MACO1: variants seen among roughly 807,000 people sequenced by gnomAD.
The protein encoded by MACO1 is macoilin 1.
Under a neutral mutation model 78.7 loss-of-function variants are expected in MACO1, and 14 were observed. The ratio of observed to expected loss-of-function variants is 0.18; its 90% CI spans 0.12 to 0.28. The LOEUF is 0.28. Ranked by LOEUF, MACO1 falls within the 10% of genes least tolerant of loss-of-function variation. MACO1 has a pLI of 1.00. For missense variants in MACO1, 501 were observed against 799.0 expected, an observed-to-expected ratio of 0.63 and a Z score of 4.50; for synonymous variants, 288 against 291.6, an observed-to-expected ratio of 0.99 and a Z score of 0.12.
chr1:25,474,075 A>G (rs889826019), intron 6 of MACO1, among the ~76,000 whole-genome samples: 1 of 152,220 alleles, frequency 6.6e-6, no homozygotes, highest in Admixed American at 6.5e-5. Context: ...TGGCATTGTC[A>G]TCATTCTCAT....
At chr1:25,470,573 T>C (rs1404703645) in intron 6 of MACO1, among the ~76,000 whole-genome samples, 1 of 152,174 alleles carries the variant, frequency 6.6e-6, no homozygotes, top group Non-Finnish European at 1.5e-5. Flanking sequence ...GATGAGTCCT[T>C]AGTGGGGAAC....
chr1:25,477,814 C>A (rs1034628894), intron 6 of MACO1, among the ~76,000 whole-genome samples: 1 of 152,190 alleles, frequency 6.6e-6, no homozygotes. Context: ...TTTAAACTTT[C>A]AGTGAAGGCA....
Position 25,437,071 on chromosome 1 carries a change from G to T in MACO1, c.80+5893G>T, listed in dbSNP as rs576205847. ...GACCGATCTCCCACTCAGCACAGAG[G>T]AGTGGCTAGAAATAATCTCATTCTG... On this transcript the variant is annotated intron_variant, in intron 1 of 10. Transcript: ENST00000374343. 3.9e-5 allele frequency among the ~76,000 whole-genome samples: 6 copies of T among 152,202 alleles called. No individual in the cohort carries two copies. The South Asian group carries it at 6.2e-4, about 16-fold the overall frequency.
intron 6 of MACO1, among the ~76,000 whole-genome samples, chr1:25,468,579 T>C (rs1044049792): frequency 1.3e-5 from 2 of 152,214 alleles, no homozygotes; most frequent in East Asian, 1.9e-4. Context: ...GTGTAATATA[T>C]TGAATACTCA....
chr1:25,469,406 T>A (rs2043247609), intron 6 of MACO1, among the ~76,000 whole-genome samples: 1 of 152,126 alleles, frequency 6.6e-6, no homozygotes, highest in Admixed American at 6.6e-5. Context: ...ACTTAAACCT[T>A]GTATTTATGT....
chr1:25,483,836 A>G (rs751315629), intron 6 of MACO1, among the ~76,000 whole-genome samples: 1 of 152,206 alleles, frequency 6.6e-6, no homozygotes, highest in African/African-American at 2.4e-5. Context: ...CTCCTTTATC[A>G]GCAGCTCGGA....
chr1:25,447,142 C>T (rs573588254), intron 2 of MACO1, among the ~76,000 whole-genome samples: 8 of 152,018 alleles, frequency 5.3e-5, no homozygotes, highest in Non-Finnish European at 1.0e-4. Context: ...TTTTGGAGGG[C>T]GGCAACCTAG....
At chr1:25,468,600 C>T (rs930926943) in intron 6 of MACO1, among the ~76,000 whole-genome samples, 2 of 152,146 alleles carry the variant, frequency 1.3e-5, no homozygotes, top group African/African-American at 4.8e-5. Flanking sequence ...CTCTTTTATT[C>T]CGCTCCAAAT....
intron 4 of MACO1, among the ~76,000 whole-genome samples, 156 bp from the exon 5 acceptor site, chr1:25,456,496 AT>A (rs1219847186): frequency 6.6e-6 from 1 of 152,124 alleles, no homozygotes; most frequent in Non-Finnish European, 1.5e-5. Flanking sequence ...CACAGTAGAC[AT>A]TACATTTATT....
chr1:25,453,552 A>C (rs1332474840), intron 3 of MACO1, among the ~76,000 whole-genome samples: 3 of 149,158 alleles, frequency 2.0e-5, no homozygotes, highest in South Asian at 2.1e-4. Context: ...AGTCCCAGCT[A>C]TTTGAGAGGT....
chr1:25,431,978 A>G (rs114536518), intron 1 of MACO1, among the ~76,000 whole-genome samples: 283 of 151,438 alleles, frequency 1.9e-3, no homozygotes, highest in African/African-American at 6.5e-3. Flanking sequence ...AATTCAGTCC[A>G]CCGGTAGAGA....
intron 2 of MACO1, 129 bp downstream of exon 2, chr1:25,447,032 A>G (rs1216376538): frequency 1.7e-6 from 2 of 1,166,076 alleles, no homozygotes; most frequent in Non-Finnish European, 2.3e-6. Context: ...ATTGACCTCT[A>G]AACTATTTTG....
At chr1:25,484,713 T>C (rs2043413178) in intron 7 of MACO1, among the ~76,000 whole-genome samples, 1 of 152,224 alleles carries the variant, frequency 6.6e-6, no homozygotes, top group Non-Finnish European at 1.5e-5. Context: ...CCAGGTCTTC[T>C]GTGTGAATTC....
chr1:25,485,778 G>A lies in MACO1; in HGVS notation c.1479G>A (p.Ala493=), dbSNP rs745560760. 67 of 1,612,944 alleles carry A rather than the reference G, an allele frequency of 4.2e-5. No homozygotes were observed. The highest frequency in any genetic ancestry group is 2.2e-4 in the South Asian group (20 of 90,838). The change falls in exon 8 of 11, where the codon GCG becomes GCA. Residue 493 remains alanine (A), a synonymous_variant. Coordinates refer to ENST00000374343, the MANE Select transcript of MACO1 (RefSeq NM_018202.6). The surrounding 1 kb of genome is among the most constrained non-coding windows in gnomAD (Gnocchi z 4.3). ...AAGCCACTGCTGCCCGGGCTGTTGCGTTTGCTGCTGCATCTAGGTATGTCC... is the reference window on the plus strand; with the variant it reads ...AAGCCACTGCTGCCCGGGCTGTTGCATTTGCTGCTGCATCTAGGTATGTCC... ...LEEATAARAV[A]FAAASRGECT... is the part of the protein sequence containing the mutation.
chr1:25,486,041 C>G (rs950337350), intron 8 of MACO1, among the ~76,000 whole-genome samples: 2 of 152,178 alleles, frequency 1.3e-5, no homozygotes, highest in Non-Finnish European at 2.9e-5. Context: ...GTTTCCCATA[C>G]CTGGGAGGCA....
intron 1 of MACO1, 107 bp downstream of exon 1, chr1:25,431,285 C>T (rs2042863746): frequency 5.5e-6 from 4 of 727,110 alleles, no homozygotes; most frequent in African/African-American, 3.9e-5. Context: ...ACGCCCGCGC[C>T]GGGGGCTCTC....
intron 6 of MACO1, among the ~76,000 whole-genome samples, chr1:25,460,164 C>T (rs1413304921): frequency 1.3e-5 from 2 of 152,170 alleles, no homozygotes; most frequent in African/African-American, 4.8e-5. Context: ...TTCACAGCCC[C>T]CAGGCTACTT....
At chr1:25,493,857 C>T (rs990689356) in intron 10 of MACO1, among the ~76,000 whole-genome samples, 4 of 151,604 alleles carry the variant, frequency 2.6e-5, no homozygotes, top group South Asian at 2.1e-4. Context: ...CTCAGCCTCC[C>T]GAGTAGCTGG....
intron 1 of MACO1, among the ~76,000 whole-genome samples, chr1:25,431,465 A>T (rs1451436319): frequency 8.0e-5 from 12 of 150,746 alleles, no homozygotes; most frequent in Admixed American, 5.3e-4. Flanking sequence ...GGAGGGGCGG[A>T]GAGCCCCCAA....
Sources: gnomAD v4.1 joint callset for allele counts (sites outside exome capture counted in the v4.1 genomes callset) on GRCh38, gnomAD v4.1.1 for gene constraint, Gnocchi (gnomAD v3.1) non-coding constraint, MANE v1.5 for transcripts, NCBI Gene and HGNC (gene_info 2026-07-23, HGNC 2026-07-21) for gene names.